The following RIMBP2 variants were observed in gnomAD, a reference collection of about 807,000 sequenced individuals.
RIMBP2 encodes the protein RIMS binding protein 2, also known as RIMS-binding protein 2.
Under a neutral mutation model 118.6 loss-of-function variants are expected in RIMBP2, and 48 were observed. The ratio of observed to expected loss-of-function variants is 0.40; its 90% confidence interval spans 0.32 to 0.51. RIMBP2 has a LOEUF of 0.51. Ranked by LOEUF, RIMBP2 falls within the 20% of genes least tolerant of loss-of-function variation. RIMBP2 has a pLI of 0.41. For synonymous variants in RIMBP2, 762 were observed against 742.9 expected, an observed-to-expected ratio of 1.03 and a Z score of -0.42; for missense variants, 1,551 against 1,768.3, an observed-to-expected ratio of 0.88 and a Z score of 2.20.
intron 2 of RIMBP2, among the ~76,000 whole-genome samples, chr12:130,577,511 G>C (rs1237357152): frequency 6.6e-6 from 1 of 152,132 alleles, no homozygotes; most frequent in Non-Finnish European, 1.5e-5. Context: ...CAAGCATGCA[G>C]AGGAAACCGC....
At chr12:130,441,751 A>T in intron 11 of RIMBP2, 97 bp downstream of exon 11, 1 of 1,071,708 alleles carries the variant, frequency 9.3e-7, no homozygotes, top group Non-Finnish European at 1.3e-6. Context: ...CAGGATGGGG[A>T]TTCCTGCTTC....
intron 2 of RIMBP2, among the ~76,000 whole-genome samples, chr12:130,552,148 C>G (rs1311375773): frequency 6.6e-6 from 1 of 152,172 alleles, no homozygotes; most frequent in African/African-American, 2.4e-5. Flanking sequence ...AAGAGAGCTT[C>G]TAATAAATGA....
In RIMBP2 at chr12:130,450,869, A is replaced by G. The variant is rs1246266914; in HGVS notation, c.504+326T>C. Among the ~76,000 whole-genome samples, 1 of 151,596 alleles carries G rather than the reference A, an allele frequency of 6.6e-6. No homozygotes were observed. The highest frequency in any genetic ancestry group is 1.5e-5 in the Non-Finnish European group (1 of 67,956). ...ACGCGCAGGGCCCTCCCCAACCTCC[A>G]CAGGCCCCTCCCGGCCAGCTCTGCG... On this transcript the variant is annotated intron_variant, in intron 8 of 22. Transcript: ENST00000690449. This position sits in a 1 kb window ranked among gnomAD's most constrained non-coding sequence, Gnocchi z 4.8.
intron 1 of RIMBP2, among the ~76,000 whole-genome samples, chr12:130,645,678 G>C (rs1419372163): frequency 6.6e-6 from 1 of 152,202 alleles, no homozygotes; most frequent in Non-Finnish European, 1.5e-5. Context: ...CAGAGAGAAG[G>C]ATGAGAAGAA....
chr12:130,668,796 G>A (rs80290353), intron 1 of RIMBP2, among the ~76,000 whole-genome samples: 1,950 of 152,254 alleles, frequency 0.013, 19 homozygotes, highest in Non-Finnish European at 0.019. Flanking sequence ...ATGCCATGCC[G>A]TGCCATGCCA....
At chr12:130,598,356 C>CT (rs141465524) in intron 2 of RIMBP2, among the ~76,000 whole-genome samples, 10,843 of 152,086 alleles carry the variant, frequency 0.071, 399 homozygotes, top group Non-Finnish European at 0.078. Flanking sequence ...TCCAATTATG[C>CT]TTTTTTTGTA....
chr12:130,662,583 A>G (rs993949344), intron 1 of RIMBP2, among the ~76,000 whole-genome samples: 1 of 151,994 alleles, frequency 6.6e-6, no homozygotes, highest in Non-Finnish European at 1.5e-5. Context: ...TGGAACCCGG[A>G]AGGTGGAGGT....
chr12:130,452,089 C>A (rs1481286755), intron 7 of RIMBP2, among the ~76,000 whole-genome samples: 1 of 152,150 alleles, frequency 6.6e-6, no homozygotes, highest in Admixed American at 6.5e-5. Context: ...CAGACGACAG[C>A]GCAGCACTTT....
At chr12:130,638,419 C>T (rs943296038) in intron 1 of RIMBP2, among the ~76,000 whole-genome samples, 17 of 152,174 alleles carry the variant, frequency 1.1e-4, no homozygotes, top group Non-Finnish European at 1.9e-4. Flanking sequence ...ATCGGGGTCC[C>T]GAAGCCCCGA....
intron 1 of RIMBP2, chr12:130,658,656 C>T (rs7967173): frequency 0.52 from 78,995 of 151,646 alleles, 21,495 homozygotes; most frequent in Non-Finnish European, 0.62. Flanking sequence ...CTCCGGTTGC[C>T]CTGAGTCCAC....
At chr12:130,432,329 C>T (rs765140617) in intron 14 of RIMBP2, 15 of 456,306 alleles carry the variant, frequency 3.3e-5, no homozygotes, top group Non-Finnish European at 5.3e-5. Flanking sequence ...TCCCTGTATA[C>T]ATAAAATAAG....
At chr12:130,590,572 T>C (rs142657900) in intron 2 of RIMBP2, among the ~76,000 whole-genome samples, 20 of 152,304 alleles carry the variant, frequency 1.3e-4, no homozygotes, top group African/African-American at 4.3e-4. Context: ...TTGAGGATCT[T>C]GCACTAAAGA....
Position 130,424,197 on chromosome 12 carries a change from C to T in RIMBP2, c.3074G>A (p.Ser1025Asn). 3 of 1,232,082 alleles carry T rather than the reference C, an allele frequency of 2.4e-6. No individual in the cohort carries two copies. The highest frequency in any genetic ancestry group is 4.1e-5 in the South Asian group (1 of 24,314). The allele number at this position is 1,232,082 out of a possible 1,614,324, so 76.3% of individuals were successfully genotyped here. The change falls in exon 16 of 23, where the codon AGT becomes AAT. Residue 1025 changes from serine to asparagine, a missense_variant. By Grantham distance (46) the Ser-to-Asn change is conservative. Coordinates refer to ENST00000690449, the MANE Select transcript of RIMBP2 (RefSeq NM_001393629.1). The surrounding 1 kb of genome is among the most constrained non-coding windows in gnomAD (Gnocchi z 9.8). ...VWKKSITMPD[S>N]RAAAPHAKPP... ...CTTTGCGTGGGGGGCAGCTGCCCTA[C>T]TGTCGGGCATGGTTATGCTTTTCTT...
At chr12:130,631,228 G>A (rs2061974611) in intron 1 of RIMBP2, among the ~76,000 whole-genome samples, 1 of 152,092 alleles carries the variant, frequency 6.6e-6, no homozygotes, top group Non-Finnish European at 1.5e-5. Context: ...ATAACTCCAG[G>A]AAAACTAAAA....
intron 12 of RIMBP2, 54 bp from the exon 13 acceptor site, chr12:130,437,345 T>C (rs1313176643): frequency 2.8e-6 from 4 of 1,450,018 alleles, no homozygotes; most frequent in African/African-American, 2.8e-5. Context: ...CCCGCGGTCC[T>C]GCAATGGGGA....
Position 130,412,643 on chromosome 12 carries a change from G to C in RIMBP2, c.3565C>G (p.Leu1189Val). 1.2e-6 allele frequency: 2 copies of C among 1,614,028 alleles called. No homozygotes were observed. The highest frequency in any genetic ancestry group is 1.7e-6 in the Non-Finnish European group (2 of 1,179,994). The stretch of plus-strand genomic sequence containing the variant: ...CCTATTTTCTCCACAGGTGTATTCA[G>C]AGGGAGAAAGCCCTGTCTAAGAAGC... ...DQLLRQGFLPLNTPVEKIERS... is the reference protein window; with the variant it reads ...DQLLRQGFLPVNTPVEKIERS... The change falls in exon 19 of 23, where the codon CTG (leucine) becomes GTG (valine). Residue 1189 changes from leucine (L) to valine (V), a missense_variant. Around this residue, in one of 5 missense-constraint regions of RIMBP2, gnomAD observed 1,038 missense variants for 1,125.1 expected, o/e 0.92. Transcript: ENST00000690449.
intron 4 of RIMBP2, among the ~76,000 whole-genome samples, chr12:130,503,206 G>A (rs928104350): frequency 4.0e-5 from 6 of 149,660 alleles, no homozygotes; most frequent in African/African-American, 1.2e-4. Flanking sequence ...AGCCAACATC[G>A]CAAAACCCTG....
chr12:130,615,276 C>CACATACATATATATATATATAT (rs1555309118), intron 2 of RIMBP2, among the ~76,000 whole-genome samples: 1 of 100,262 alleles, frequency 1.0e-5, no homozygotes, highest in East Asian at 3.2e-4. Flanking sequence ...AATACACATA[C>CACATACATATATATATATATAT]ATATATATAT....
chr12:130,506,100 G>A (rs1441172105), intron 4 of RIMBP2, among the ~76,000 whole-genome samples: 2 of 151,674 alleles, frequency 1.3e-5, no homozygotes, highest in African/African-American at 2.4e-5. Context: ...TTTAACACTT[G>A]GTGAAAAAAT....
Sources: gnomAD v4.1 joint callset for allele counts (sites outside exome capture counted in the v4.1 genomes callset) on GRCh38, gnomAD v4.1.1 for gene constraint, gnomAD v4.1.1 regional missense constraint, Gnocchi (gnomAD v3.1) non-coding constraint, MANE v1.5 for transcripts, NCBI Gene and HGNC (gene_info 2026-07-23, HGNC 2026-07-21) for gene names.